The following PDE1C variants were observed in gnomAD, a reference collection of about 807,000 sequenced individuals.
PDE1C encodes the protein phosphodiesterase 1C.
PDE1C carries 62 observed loss-of-function variants against 93.1 expected under a neutral mutation model. The observed-to-expected ratio is 0.67, with a 90% CI of 0.54 to 0.82. PDE1C has a LOEUF of 0.82. Ranked by LOEUF, PDE1C falls within the 40% of genes least tolerant of loss-of-function variation. The pLI is 0.00. For missense variants in PDE1C, 742 were observed against 884.6 expected, an observed-to-expected ratio of 0.84 and a Z score of 2.04; for synonymous variants, 325 against 310.1, an observed-to-expected ratio of 1.05 and a Z score of -0.50.
chr7:32,134,242 T>A (rs560594361), intron 3 of PDE1C, among the ~76,000 whole-genome samples: 7 of 152,056 alleles, frequency 4.6e-5, no homozygotes, highest in Non-Finnish European at 1.0e-4. Flanking sequence ...ATAAAAAAGA[T>A]GCCCCAAACT....
intron 1 of PDE1C, among the ~76,000 whole-genome samples, chr7:32,256,654 C>A (rs573230204): frequency 6.6e-6 from 1 of 152,308 alleles, no homozygotes; most frequent in African/African-American, 2.4e-5. Flanking sequence ...TGCTGTGGGT[C>A]TGATCAGTCC....
intron 2 of PDE1C, among the ~76,000 whole-genome samples, chr7:31,897,101 T>C (rs6946361): frequency 0.037 from 5,582 of 152,284 alleles, 336 homozygotes; most frequent in African/African-American, 0.12. Context: ...GTCATTTCCC[T>C]CCTAGATCTG....
intron 2 of PDE1C, among the ~76,000 whole-genome samples, chr7:32,177,285 G>A (rs796429254): frequency 3.3e-5 from 5 of 152,282 alleles, no homozygotes; most frequent in African/African-American, 1.2e-4. Flanking sequence ...AGAACACGGA[G>A]AGTAAATTAG....
At chr7:32,016,484 A>T (rs76714711) in intron 2 of PDE1C, among the ~76,000 whole-genome samples, 13,700 of 152,306 alleles carry the variant, frequency 0.09, 782 homozygotes, top group Middle Eastern at 0.14. Flanking sequence ...CATACTCTTT[A>T]CATTTCTTCT....
chr7:32,222,253 G>T (rs911030660), intron 1 of PDE1C, among the ~76,000 whole-genome samples: 6 of 152,180 alleles, frequency 3.9e-5, no homozygotes, highest in Admixed American at 3.9e-4. Flanking sequence ...CTGGCTTCAG[G>T]CTGAACAGAT....
chr7:32,112,099 C>T (rs1397917276), intron 3 of PDE1C, among the ~76,000 whole-genome samples: 1 of 152,186 alleles, frequency 6.6e-6, no homozygotes, highest in East Asian at 1.9e-4. Context: ...TAAGGGAATC[C>T]TTGTATTGAA....
the PDE1C span, among the ~76,000 whole-genome samples, chr7:31,688,627 A>C: frequency 1.7e-3 from 266 of 152,324 alleles, 1 homozygote; most frequent in African/African-American, 6.2e-3. Flanking sequence ...TTGTGACATC[A>C]ATTTACATAT....
rs1156676399 is a variant in PDE1C at position 32,142,507 on chromosome 7, AGG to A, written c.308+27276_308+27277del. ...ACTCACCAATCCCACTTTCTTGTCC[AGG>A]GCCCACAGAAAAACTGCACTTCCCA... On this transcript the variant is annotated intron_variant, in intron 3 of 18. Transcript: ENST00000396193. Among the ~76,000 whole-genome samples the A allele has an allele frequency of 2.3e-4, 35 of 152,290 alleles. 1 individual carries two copies. The highest frequency in any genetic ancestry group is 6.7e-4 in the African/African-American group (28 of 41,574).
chr7:32,422,399 G>A (rs73309847), intron 1 of PDE1C, among the ~76,000 whole-genome samples: 4,674 of 152,124 alleles, frequency 0.031, 145 homozygotes, highest in East Asian at 0.11. Context: ...ATATTGCATG[G>A]TGCTGTGGTT....
intron 2 of PDE1C, among the ~76,000 whole-genome samples, chr7:31,955,544 T>A (rs1338677953): frequency 6.6e-6 from 1 of 152,190 alleles, no homozygotes; most frequent in Non-Finnish European, 1.5e-5. Flanking sequence ...AATTTCCTTG[T>A]GCCCAAAATG....
intron 2 of PDE1C, among the ~76,000 whole-genome samples, chr7:32,174,555 A>G (rs1226725537): frequency 2.0e-5 from 3 of 152,136 alleles, no homozygotes; most frequent in Admixed American, 2.0e-4. Context: ...AGCATATACA[A>G]AGGCTCAGAG....
chr7:31,677,297 A>G, the PDE1C span, among the ~76,000 whole-genome samples: 2 of 152,320 alleles, frequency 1.3e-5, no homozygotes, highest in East Asian at 3.9e-4. Context: ...AAATTTCCAA[A>G]TTTATTTTGT....
intron 2 of PDE1C, among the ~76,000 whole-genome samples, chr7:31,948,627 G>A (rs565660528): frequency 7.8e-4 from 118 of 152,174 alleles, no homozygotes; most frequent in Non-Finnish European, 1.4e-3. Flanking sequence ...AATTGTCCCT[G>A]TCATTGATGT....
intron 16 of PDE1C, among the ~76,000 whole-genome samples, chr7:31,779,122 A>T (rs1388561105): frequency 6.6e-6 from 1 of 152,192 alleles, no homozygotes; most frequent in African/African-American, 2.4e-5. Flanking sequence ...AGGTTTAGGG[A>T]CCTGGGTATT....
chr7:32,258,428 TCA>T (rs1809961615), intron 1 of PDE1C, among the ~76,000 whole-genome samples: 1 of 152,192 alleles, frequency 6.6e-6, no homozygotes, highest in Non-Finnish European at 1.5e-5. Flanking sequence ...AATGACTCAC[TCA>T]CCAACACATA....
chr7:32,070,563 C>T (rs1795924716), upstream of PDE1C: 1 of 1,441,990 alleles, frequency 6.9e-7, no homozygotes, highest in Non-Finnish European at 9.1e-7. Flanking sequence ...GAGCGGACTC[C>T]GATCGCGGCA....
intron 6 of PDE1C, among the ~76,000 whole-genome samples, chr7:31,866,950 G>C (rs577188336): frequency 6.6e-6 from 1 of 152,062 alleles, no homozygotes; most frequent in South Asian, 2.1e-4. Context: ...TCCATACAGG[G>C]AGCTCATGCT....
downstream of PDE1C, among the ~76,000 whole-genome samples, chr7:31,747,787 CT>C (rs1356211573): frequency 6.8e-6 from 1 of 146,108 alleles, no homozygotes; most frequent in African/African-American, 2.5e-5. Flanking sequence ...GAGTCTGCCC[CT>C]GGGTGTGGTC....
intron 1 of PDE1C, among the ~76,000 whole-genome samples, chr7:32,427,599 G>A (rs1785560826): frequency 6.6e-6 from 1 of 152,096 alleles, no homozygotes; most frequent in African/African-American, 2.4e-5. Context: ...GGATCCTTAG[G>A]GTGTAAACTG....
Sources: gnomAD v4.1 joint callset for allele counts (sites outside exome capture counted in the v4.1 genomes callset) on GRCh38, gnomAD v4.1.1 for gene constraint, MANE v1.5 for transcripts, NCBI Gene and HGNC (gene_info 2026-07-23, HGNC 2026-07-21) for gene names.